EPHA6: variants seen among roughly 807,000 people sequenced by gnomAD.
The protein encoded by EPHA6 is EPH receptor A6, also known as ephrin type-A receptor 6.
EPHA6 carries 50 observed loss-of-function variants against 112.0 expected under a neutral mutation model. That is an observed-to-expected ratio of 0.45 (90% CI 0.36 to 0.56). The LOEUF (loss-of-function observed/expected upper bound fraction) is 0.56, where lower values mean the gene tolerates loss of function less well. Ranked by LOEUF, EPHA6 falls within the 20% of genes least tolerant of loss-of-function variation. The probability of loss-of-function intolerance (pLI) is 0.00; values close to 1 mark genes in which losing one functional copy is unlikely to be tolerated. For missense variants in EPHA6, 1,280 were observed against 1,417.4 expected (o/e 0.90, Z 1.56); for synonymous variants, 529 against 490.7 (o/e 1.08, Z -1.03).
intron 5 of EPHA6, among the ~76,000 whole-genome samples, chr3:97,288,924 A>ATTTTTTTTTTTTTTTTTTTTTTTTTTTT (rs374397667): frequency 9.0e-6 from 1 of 111,286 alleles, no homozygotes; most frequent in Non-Finnish European, 1.8e-5. Context: ...TTTAATGGGG[A>ATTTTTTTTTTTTTTTTTTTTTTTTTTTT]TTTTTTTTTT....
At chr3:96,900,439 A>G (rs961764733) in intron 2 of EPHA6, among the ~76,000 whole-genome samples, 5 of 152,226 alleles carry the variant, frequency 3.3e-5, no homozygotes, top group African/African-American at 1.2e-4. Context: ...TCTTGCATAC[A>G]TATCTTTTTT....
At chr3:96,977,465 T>G (rs1387772338) in intron 2 of EPHA6, among the ~76,000 whole-genome samples, 2 of 152,172 alleles carry the variant, frequency 1.3e-5, no homozygotes, top group Non-Finnish European at 2.9e-5. Context: ...ACTTCACCAA[T>G]ATGCAATATA....
intron 13 of EPHA6, among the ~76,000 whole-genome samples, chr3:97,616,450 T>A (rs368455456): frequency 6.6e-6 from 1 of 152,104 alleles, no homozygotes; most frequent in Admixed American, 6.6e-5. Context: ...ACGACAGAAG[T>A]AGGCTTCCAA....
At chr3:97,554,591 T>C (rs2093076380) in intron 11 of EPHA6, among the ~76,000 whole-genome samples, 1 of 152,138 alleles carries the variant, frequency 6.6e-6, no homozygotes, top group South Asian at 2.1e-4. Flanking sequence ...GTTCCTTCTA[T>C]GTCATTTTTC....
intron 2 of EPHA6, among the ~76,000 whole-genome samples, chr3:96,901,751 C>T (rs953135662): frequency 6.6e-6 from 1 of 152,042 alleles, no homozygotes; most frequent in South Asian, 2.1e-4. Flanking sequence ...TGGGCAAGAC[C>T]CTGCAAGTAT....
At chr3:96,899,648 A>T (rs1190246444) in intron 2 of EPHA6, among the ~76,000 whole-genome samples, 1 of 152,216 alleles carries the variant, frequency 6.6e-6, no homozygotes, top group Non-Finnish European at 1.5e-5. Flanking sequence ...AGATTTAAAT[A>T]CATAGCACTA....
chr3:97,305,435 C>T (rs1224073484), intron 5 of EPHA6, among the ~76,000 whole-genome samples: 1 of 151,934 alleles, frequency 6.6e-6, no homozygotes, highest in Non-Finnish European at 1.5e-5. Flanking sequence ...CATTACAGCG[C>T]TATTCACAAT....
chr3:97,595,136 A>G (rs1252127181), intron 12 of EPHA6, among the ~76,000 whole-genome samples: 5 of 152,232 alleles, frequency 3.3e-5, no homozygotes, highest in Non-Finnish European at 7.3e-5. Flanking sequence ...TCATTGAATC[A>G]TGAGACCTAG....
At chr3:97,510,288 C>T (rs2092339906) in intron 10 of EPHA6, among the ~76,000 whole-genome samples, 2 of 152,316 alleles carry the variant, frequency 1.3e-5, no homozygotes, top group South Asian at 4.1e-4. Context: ...TTGGAATTTT[C>T]AGCCTTTTTG....
chr3:97,614,868 G>A (rs2093752584), intron 13 of EPHA6, among the ~76,000 whole-genome samples: 1 of 152,090 alleles, frequency 6.6e-6, no homozygotes, highest in Admixed American at 6.6e-5. Context: ...AGGAGGAACA[G>A]GATGGACTGG....
intron 3 of EPHA6, among the ~76,000 whole-genome samples, chr3:97,091,388 G>A (rs765506065): frequency 3.9e-5 from 6 of 152,032 alleles, no homozygotes; most frequent in African/African-American, 7.2e-5. Flanking sequence ...ACACTGGATC[G>A]GTGTTTTTAA....
chr3:96,822,764 C>A (rs184026529), intron 1 of EPHA6, among the ~76,000 whole-genome samples: 86 of 150,484 alleles, frequency 5.7e-4, no homozygotes, highest in Admixed American at 3.9e-3. Flanking sequence ...ATTATGTGTT[C>A]TTTCAGGTGA....
intron 14 of EPHA6, among the ~76,000 whole-genome samples, chr3:97,693,891 T>C (rs1402532850): frequency 6.6e-6 from 1 of 152,170 alleles, no homozygotes; most frequent in Non-Finnish European, 1.5e-5. Flanking sequence ...ATTATTATAA[T>C]CATCATCATC....
chr3:96,928,063 C>T (rs926837725), intron 2 of EPHA6, among the ~76,000 whole-genome samples: 1 of 152,184 alleles, frequency 6.6e-6, no homozygotes, highest in Non-Finnish European at 1.5e-5. Flanking sequence ...GTCAGGAGAA[C>T]AGCATAGGGT....
At chr3:97,248,043 T>G (rs2079033268) in intron 5 of EPHA6, among the ~76,000 whole-genome samples, 1 of 151,960 alleles carries the variant, frequency 6.6e-6, no homozygotes, top group African/African-American at 2.4e-5. Flanking sequence ...GAAAACCACA[T>G]TAAACAAATC....
At chr3:97,173,420 G>A (rs1243578311) in intron 3 of EPHA6, among the ~76,000 whole-genome samples, 1 of 151,684 alleles carries the variant, frequency 6.6e-6, no homozygotes, top group Non-Finnish European at 1.5e-5. Context: ...AGTACATCAT[G>A]GTCAGTAAAT....
intron 6 of EPHA6, among the ~76,000 whole-genome samples, chr3:97,423,253 C>G (rs1162209641): frequency 6.6e-6 from 1 of 152,072 alleles, no homozygotes; most frequent in Non-Finnish European, 1.5e-5. Context: ...AGCCAGAAAA[C>G]CCCATAATCT....
intron 3 of EPHA6, among the ~76,000 whole-genome samples, chr3:97,111,396 A>G (rs943453746): frequency 1.3e-5 from 2 of 152,122 alleles, no homozygotes; most frequent in Non-Finnish European, 2.9e-5. Context: ...AGCTTTTAGC[A>G]TAATAAGCAA....
At chr3:97,202,948 G>T (rs1202150246) in intron 3 of EPHA6, among the ~76,000 whole-genome samples, 2 of 152,050 alleles carry the variant, frequency 1.3e-5, no homozygotes, top group Non-Finnish European at 2.9e-5. Context: ...GGATATCTTT[G>T]GGGTAATCCA....
Sources: gnomAD v4.1 joint callset for allele counts (sites outside exome capture counted in the v4.1 genomes callset) on GRCh38, gnomAD v4.1.1 for gene constraint, MANE v1.5 for transcripts, NCBI Gene and HGNC (gene_info 2026-07-23, HGNC 2026-07-21) for gene names.